ADGRL3: variants seen among roughly 807,000 people sequenced by gnomAD.
ADGRL3 encodes adhesion G protein-coupled receptor L3, also known as calcium-independent alpha-latrotoxin receptor 3.
Under a neutral mutation model 153.5 loss-of-function variants are expected in ADGRL3, and 62 were observed. The observed-to-expected ratio is 0.40, with a 90% CI of 0.33 to 0.50. ADGRL3 has a LOEUF of 0.50. Among genes scored for constraint, ADGRL3 ranks in the 20% least tolerant of loss-of-function variants. ADGRL3 has a pLI of 0.47. For synonymous variants in ADGRL3, 710 were observed against 672.5 expected, an observed-to-expected ratio of 1.06 and a Z score of -0.86; for missense variants, 1,641 against 1,859.4, an observed-to-expected ratio of 0.88 and a Z score of 2.16.
intron 9 of ADGRL3, among the ~76,000 whole-genome samples, chr4:61,818,568 G>C (rs1489742704): frequency 6.6e-6 from 1 of 152,120 alleles, no homozygotes; most frequent in East Asian, 1.9e-4. Flanking sequence ...CCATGGTTCA[G>C]TCACCTCCCA....
chr4:61,892,023 C>T (rs987840148), intron 9 of ADGRL3, among the ~76,000 whole-genome samples: 1 of 152,132 alleles, frequency 6.6e-6, no homozygotes, highest in Non-Finnish European at 1.5e-5. Flanking sequence ...ACTACTTATA[C>T]TTTACATTAA....
At chr4:61,739,203 A>AT (rs1180945800) in intron 8 of ADGRL3, among the ~76,000 whole-genome samples, 1 of 152,184 alleles carries the variant, frequency 6.6e-6, no homozygotes, top group African/African-American at 2.4e-5. Flanking sequence ...AATGCAAAGC[A>AT]TCTCTAATTT....
rs562428361 is a variant in ADGRL3, at chr4:61,494,367, A to G, written c.-173-2754A>G. Among the ~76,000 whole-genome samples, 14 of 152,272 alleles carry G rather than the reference A, an allele frequency of 9.2e-5. No homozygotes were observed. The South Asian group carries it at 1.9e-3, about 20-fold the overall frequency. The stretch of plus-strand genomic sequence containing the variant: ...CTCGTATACTCCATGGTCACAGAGG[A>G]AGGCAAAAAAGGCACAGAAAAAGAA... On this transcript the variant is annotated intron_variant, in intron 2 of 26. Transcript: ENST00000683033.
At chr4:61,738,395 C>T (rs57192573) in intron 8 of ADGRL3, among the ~76,000 whole-genome samples, 13,182 of 152,112 alleles carry the variant, frequency 0.087, 1,218 homozygotes, top group African/African-American at 0.23. Flanking sequence ...TGTGCAAGTA[C>T]CTTTTGTGTG....
chr4:61,664,404 G>T (rs914171056), intron 5 of ADGRL3, among the ~76,000 whole-genome samples: 1 of 151,594 alleles, frequency 6.6e-6, no homozygotes, highest in Non-Finnish European at 1.5e-5. Context: ...ATAAAAAAAG[G>T]AGAAAAAGTA....
intron 5 of ADGRL3, among the ~76,000 whole-genome samples, chr4:61,646,518 C>G (rs893994376): frequency 6.6e-6 from 1 of 151,198 alleles, no homozygotes; most frequent in Non-Finnish European, 1.5e-5. Flanking sequence ...AGCTGCAGGT[C>G]TGTTGGAGTA....
intron 19 of ADGRL3, among the ~76,000 whole-genome samples, chr4:61,995,600 C>T (rs1439589413): frequency 6.6e-6 from 1 of 152,112 alleles, no homozygotes; most frequent in Admixed American, 6.5e-5. Context: ...TCCATTTTGT[C>T]TTCCTGTCAT....
intron 1 of ADGRL3, among the ~76,000 whole-genome samples, chr4:61,306,397 C>G (rs2094791719): frequency 6.6e-6 from 1 of 152,122 alleles, no homozygotes; most frequent in South Asian, 2.1e-4. Context: ...CCCACACCGC[C>G]AAGAACTTCT....
chr4:61,623,477 A>G (rs879223293), intron 5 of ADGRL3, among the ~76,000 whole-genome samples: 2 of 150,448 alleles, frequency 1.3e-5, no homozygotes, highest in African/African-American at 4.8e-5. Flanking sequence ...AAAATACTCT[A>G]TCACCTTATT....
intron 9 of ADGRL3, among the ~76,000 whole-genome samples, chr4:61,823,922 G>A (rs186116279): frequency 2.1e-3 from 315 of 152,208 alleles, no homozygotes; most frequent in African/African-American, 6.9e-3. Flanking sequence ...TTAGCTGGGC[G>A]TGGTGGCACG....
intron 3 of ADGRL3, among the ~76,000 whole-genome samples, chr4:61,503,519 C>T (rs1008020273): frequency 2.6e-5 from 4 of 151,814 alleles, no homozygotes; most frequent in African/African-American, 9.7e-5. Flanking sequence ...CTTTAATCCT[C>T]AGTGTAATTG....
At chr4:61,824,001 G>T (rs563463371) in intron 9 of ADGRL3, among the ~76,000 whole-genome samples, 1 of 152,160 alleles carries the variant, frequency 6.6e-6, no homozygotes, top group Non-Finnish European at 1.5e-5. Context: ...GGCAGAGGTT[G>T]CAGTGAGCCC....
intron 23 of ADGRL3, among the ~76,000 whole-genome samples, chr4:62,033,465 A>G (rs111642878): frequency 6.6e-6 from 1 of 151,724 alleles, no homozygotes; most frequent in African/African-American, 2.4e-5. Context: ...ACGAGAATCA[A>G]GATGATACAC....
chr4:61,366,508 G>A (rs1236196399), intron 1 of ADGRL3, among the ~76,000 whole-genome samples: 3 of 152,066 alleles, frequency 2.0e-5, no homozygotes, highest in Non-Finnish European at 2.9e-5. Flanking sequence ...AAGCGGATTT[G>A]GACCAAATCC....
intron 17 of ADGRL3, among the ~76,000 whole-genome samples, chr4:61,955,387 AAATT>A (rs1337765081): frequency 2.6e-5 from 4 of 152,194 alleles, no homozygotes; most frequent in Admixed American, 1.3e-4. Flanking sequence ...AATGCTTACT[AAATT>A]AATTAAGATA....
At chr4:61,643,566 G>A (rs1308820597) in intron 5 of ADGRL3, among the ~76,000 whole-genome samples, 1 of 151,156 alleles carries the variant, frequency 6.6e-6, no homozygotes, top group Non-Finnish European at 1.5e-5. Context: ...TTTGTCTTTG[G>A]TTCTGTTTAT....
At position 61,336,858 on chromosome 4, in the gene ADGRL3, C is replaced by CTT. The variant is rs573900304; in HGVS notation, c.-239-46250_-239-46249dup. 7.3e-3 allele frequency among the ~76,000 whole-genome samples: 974 copies of CTT among 134,144 alleles called. 3 individuals are homozygous for CTT. The highest frequency in any genetic ancestry group is 0.016 in the South Asian group (63 of 4,020). The allele number at this position is 134,144 out of a possible 152,430, so 88.0% of individuals were successfully genotyped here. ...GTATTTCTTAGTTTTCTTACAGTTC[C>CTT]TTTTTTTTTTTTTTTTTACTAGCTT... On this transcript the variant is annotated intron_variant, in intron 1 of 26. Coordinates refer to ENST00000683033, the MANE Select transcript of ADGRL3 (RefSeq NM_001387552.1).
At chr4:61,798,598 G>GTTTA (rs10548703) in intron 8 of ADGRL3, among the ~76,000 whole-genome samples, 5,724 of 150,472 alleles carry the variant, frequency 0.038, 143 homozygotes, top group African/African-American at 0.059. Flanking sequence ...TTATTTGTTT[G>GTTTA]TTTATTTATT....
At chr4:61,424,564 C>T (rs1314856267) in intron 2 of ADGRL3, among the ~76,000 whole-genome samples, 1 of 152,188 alleles carries the variant, frequency 6.6e-6, no homozygotes, top group Non-Finnish European at 1.5e-5. Flanking sequence ...CTTCAACCTC[C>T]TGTGCCATCT....
Sources: allele counts gnomAD v4.1 joint callset (sites outside exome capture counted in the v4.1 genomes callset), GRCh38; gene constraint gnomAD v4.1.1; transcripts MANE v1.5; gene names NCBI Gene and HGNC (gene_info 2026-07-23, HGNC 2026-07-21).